ZNF169: variants seen among roughly 807,000 people sequenced by gnomAD.
ZNF169 encodes the protein zinc finger protein 169.
Under a neutral mutation model 12.0 loss-of-function variants are expected in ZNF169, and 11 were observed. The observed-to-expected ratio is 0.92, with a 90% CI of 0.58 to 1.52. The LOEUF (loss-of-function observed/expected upper bound fraction) is 1.52, where lower values mean the gene tolerates loss of function less well. Ranked by LOEUF, ZNF169 falls within the 40% of genes most tolerant of loss-of-function variation. The pLI, the probability that ZNF169 is intolerant of heterozygous loss-of-function variation, is 0.00. For missense variants in ZNF169, 722 were observed against 744.0 expected (o/e 0.97, Z 0.34); for synonymous variants, 302 against 286.5 (o/e 1.05, Z -0.55).
In ZNF169 at chr9:94,278,829, T is replaced by C. The variant is rs1457759672; in HGVS notation, c.17T>C (p.Leu6Pro). MSPGL[L>P]TTRKEALMAF... ...AGCAGGGATATGTCACCAGGACTCC[T>C]GACAACCAGGAAGGAGGTAAGTCCT... The change falls in exon 2 of 5, where the codon CTG becomes CCG. Residue 6 changes from leucine (L) to proline (P), a missense_variant. Coordinates refer to ENST00000395395, the MANE Select transcript of ZNF169 (RefSeq NM_194320.4). 1 of 1,614,030 alleles carries C rather than the reference T, an allele frequency of 6.2e-7. No homozygotes were observed. Among genetic ancestry groups the C allele is most frequent in the South Asian group, 1.1e-5 (1 of 91,052 alleles).
chr9:94,274,084 C>T (rs564143782), intron 1 of ZNF169, among the ~76,000 whole-genome samples: 141 of 152,310 alleles, frequency 9.3e-4, no homozygotes, highest in African/African-American at 3.1e-3. Flanking sequence ...AGCTGGTCAT[C>T]TCCTCCCTGT....
At chr9:94,297,890 G>A (rs1023428844) in intron 4 of ZNF169, among the ~76,000 whole-genome samples, 2 of 152,182 alleles carry the variant, frequency 1.3e-5, no homozygotes, top group Non-Finnish European at 2.9e-5. Flanking sequence ...CCAGGGGCTG[G>A]GCGCGGTGGC....
intron 3 of ZNF169, 59 bp from the exon 4 acceptor site, chr9:94,292,915 G>A (rs1438021867): frequency 1.3e-6 from 2 of 1,483,662 alleles, no homozygotes; most frequent in East Asian, 2.4e-5. Context: ...TCTGAGTTCT[G>A]AGATAGCCTC....
At chr9:94,271,071 C>T (rs187579538) in intron 1 of ZNF169, among the ~76,000 whole-genome samples, 17 of 129,086 alleles carry the variant, frequency 1.3e-4, no homozygotes, top group African/African-American at 4.1e-4. Flanking sequence ...TTTGCAACTA[C>T]GAAGGTGATT....
rs1554715595 is a variant in ZNF169, at chr9:94,292,641, G to GTGCA, written c.160+174_160+175insTGCA. The GTGCA allele has an allele frequency of 2.9e-4, 209 of 721,224 alleles. No homozygotes were observed. In the African/African-American group the frequency reaches 4.5e-3, roughly 16 times the overall value. The allele number at this position is 721,224 out of a possible 1,614,324, so 44.7% of individuals were successfully genotyped here. A position where few individuals can be genotyped will look rare whatever the true frequency, so the allele number is the denominator to read the frequency against. On this transcript the variant is annotated intron_variant, in intron 3 of 4. Transcript: ENST00000395395. The stretch of plus-strand genomic sequence containing the variant: ...TGTGTGTGTGTGTGTGTGTGTGTGT[G>GTGCA]CGCGTGCACATGCTGTGAGCGTGTG...
At chr9:94,276,668 C>T (rs762720186) in intron 1 of ZNF169, among the ~76,000 whole-genome samples, 4 of 152,168 alleles carry the variant, frequency 2.6e-5, no homozygotes, top group African/African-American at 7.2e-5. Flanking sequence ...GGATTATAGG[C>T]GTGATCCATC....
chr9:94,263,222 G>A (rs752580945), intron 1 of ZNF169, among the ~76,000 whole-genome samples: 5 of 152,092 alleles, frequency 3.3e-5, no homozygotes, highest in Non-Finnish European at 5.9e-5. Context: ...TTTCTCCATC[G>A]AGTTCTGTCA....
Position 94,301,380 on chromosome 9 carries a change from T to C in ZNF169, c.*10T>C, listed in dbSNP as rs1831075654. On this transcript the variant is annotated 3_prime_UTR_variant, in exon 5 of 5. Transcript: ENST00000395395. ...CCAAGAGGTCTTCTGACCTTTCCTT[T>C]CCCCGTGAGTGTGAAGCTGGCAGAA... 1 of 1,582,560 alleles carries C rather than the reference T, an allele frequency of 6.3e-7. No homozygotes were observed. Among genetic ancestry groups the C allele is most frequent in the Admixed American group, 1.8e-5 (1 of 55,830 alleles).
intron 1 of ZNF169, among the ~76,000 whole-genome samples, chr9:94,268,585 C>T (rs577548530): frequency 4.9e-4 from 75 of 151,886 alleles, no homozygotes; most frequent in South Asian, 8.4e-4. Context: ...GTCAGGAGTT[C>T]GAGACCACCC....
intron 2 of ZNF169, among the ~76,000 whole-genome samples, chr9:94,279,360 C>A (rs1830582428): frequency 6.6e-6 from 1 of 151,640 alleles, no homozygotes; most frequent in Non-Finnish European, 1.5e-5. Flanking sequence ...CACTGCACTC[C>A]AGCCTGGGCG....
intron 1 of ZNF169, among the ~76,000 whole-genome samples, chr9:94,264,137 CT>C (rs1434369061): frequency 6.6e-6 from 1 of 151,622 alleles, no homozygotes; most frequent in South Asian, 2.1e-4. Flanking sequence ...TATAAACAGT[CT>C]TTTATTTTAT....
intron 1 of ZNF169, among the ~76,000 whole-genome samples, chr9:94,274,835 A>G (rs1401901724): frequency 2.0e-5 from 3 of 152,342 alleles, no homozygotes; most frequent in East Asian, 1.9e-4. Flanking sequence ...ATGGTCCACT[A>G]TAGAATATGG....
intron 2 of ZNF169, among the ~76,000 whole-genome samples, chr9:94,290,719 T>C (rs879536761): frequency 1.3e-5 from 2 of 152,242 alleles, no homozygotes; most frequent in African/African-American, 2.4e-5. Flanking sequence ...ACAGTACTGC[T>C]ATGAACATTG....
intron 4 of ZNF169, among the ~76,000 whole-genome samples, chr9:94,299,103 C>T (rs2118669139): frequency 6.6e-6 from 1 of 152,256 alleles, no homozygotes; most frequent in South Asian, 2.1e-4. Context: ...TAGTGTTGTG[C>T]AATGCTATTC....
chr9:94,300,593 C>T lies in ZNF169; in HGVS notation c.1035C>T (p.Pro345=). 6.2e-7 allele frequency: 1 copy of T among 1,613,166 alleles called. No individual in the cohort carries two copies. Residue 345 remains proline (P), a synonymous_variant, in exon 5 of 5, where the codon CCC becomes CCT. Transcript: ENST00000395395. ...AGAGGACGCACTTGGAGGAGAAGCC[C>T]TTCGTGTGTCCTGAGTGTGGGAGAG... ...LHQRTHLEEK[P]FVCPECGRGF...
At position 94,283,768 on chromosome 9, in the gene ZNF169, T is replaced by C. The variant is rs373915101; in HGVS notation, c.33+4923T>C. On this transcript the variant is annotated intron_variant, in intron 2 of 4. Transcript: ENST00000395395. ...GAGAATATCAGTATAGAAAACTTAT[T>C]TTAAAAAGTATAATATGAGGCCGGG... Among the ~76,000 whole-genome samples, 90 of 152,104 alleles carry C rather than the reference T, an allele frequency of 5.9e-4. 1 individual carries two copies. The South Asian group carries it at 0.018, about 30-fold the overall frequency.
At chr9:94,296,937 C>T (rs764798669) in intron 4 of ZNF169, 2 of 400,114 alleles carry the variant, frequency 5.0e-6, no homozygotes, top group Middle Eastern at 8.6e-4. Flanking sequence ...ATCACAGCTA[C>T]TCGGGAGGCT....
chr9:94,283,133 G>A (rs1005747564), intron 2 of ZNF169, among the ~76,000 whole-genome samples: 3 of 152,164 alleles, frequency 2.0e-5, no homozygotes, highest in African/African-American at 4.8e-5. Flanking sequence ...AGTAGGGGCC[G>A]GGTGTGTTGG....
intron 2 of ZNF169, 66 bp downstream of exon 2, chr9:94,278,911 C>T: frequency 6.4e-7 from 1 of 1,562,988 alleles, no homozygotes; most frequent in South Asian, 1.1e-5. Context: ...GTCCTGAAGG[C>T]TGCCTTCTTG....
Sources: allele counts gnomAD v4.1 joint callset (sites outside exome capture counted in the v4.1 genomes callset), GRCh38; gene constraint gnomAD v4.1.1; transcripts MANE v1.5; gene names NCBI Gene and HGNC (gene_info 2026-07-23, HGNC 2026-07-21).